The following SAMD8 variants were observed in gnomAD, a reference collection of about 807,000 sequenced individuals.
The protein encoded by SAMD8 is sterile alpha motif domain containing 8.
In SAMD8, 20 loss-of-function variants were observed where a neutral mutation model predicts 42.0. That is an observed-to-expected ratio of 0.48 (90% CI 0.34 to 0.69). The LOEUF (loss-of-function observed/expected upper bound fraction) is 0.69, where lower values mean the gene tolerates loss of function less well. Ranked by LOEUF, SAMD8 falls within the 30% of genes least tolerant of loss-of-function variation. SAMD8 has a pLI of 0.01. For missense variants in SAMD8, 328 were observed against 511.6 expected (o/e 0.64, Z 3.46); for synonymous variants, 162 against 173.0 (o/e 0.94, Z 0.50).
chr10:75,167,849 T>G (rs111764121), intron 3 of SAMD8, among the ~76,000 whole-genome samples: 503 of 152,294 alleles, frequency 3.3e-3, no homozygotes, highest in African/African-American at 0.012. Flanking sequence ...CACCTTGGCC[T>G]CCCAAAGGGC....
intron 1 of SAMD8, chr10:75,099,802 C>T (rs1030964094): frequency 5.4e-6 from 1 of 185,060 alleles, no homozygotes; most frequent in Admixed American, 6.2e-5. Context: ...ATTCTGTGGC[C>T]ACGAGCAAGT....
At chr10:75,103,232 T>C (rs899820085) in intron 1 of SAMD8, among the ~76,000 whole-genome samples, 4 of 152,206 alleles carry the variant, frequency 2.6e-5, no homozygotes, top group African/African-American at 4.8e-5. Flanking sequence ...ACTGGTGGCA[T>C]TGCCAACAGC....
intron 1 of SAMD8, among the ~76,000 whole-genome samples, chr10:75,120,733 T>A (rs1848985333): frequency 6.6e-6 from 1 of 151,948 alleles, no homozygotes; most frequent in Non-Finnish European, 1.5e-5. Context: ...TCTCAGTTTA[T>A]GTAGCTTAAT....
In SAMD8 at chr10:75,181,971, C is replaced by T. The variant is rs1841087453; in HGVS notation, c.*5279C>T. Reference sequence around the variant, plus strand: ...AGTATTACTTGAAGATGTGAAAGTTCCTGTGGTAGCCATACCTTGAAGCAC... The same window carrying T: ...AGTATTACTTGAAGATGTGAAAGTTTCTGTGGTAGCCATACCTTGAAGCAC... On this transcript the variant is annotated 3_prime_UTR_variant, in exon 6 of 6. Coordinates refer to ENST00000542569, the MANE Select transcript of SAMD8 (RefSeq NM_001174156.2). The T allele has an allele frequency of 6.6e-6, 1 of 152,076 alleles. No homozygotes were observed. Among genetic ancestry groups the T allele is most frequent in the African/African-American group, 2.4e-5 (1 of 41,406 alleles). 9.4% of individuals were successfully genotyped at this position (152,076 alleles called of 1,614,324 possible).
At chr10:75,155,457 CAAA>C (rs369963500) in intron 2 of SAMD8, among the ~76,000 whole-genome samples, 1 of 105,708 alleles carries the variant, frequency 9.5e-6, no homozygotes, top group African/African-American at 3.5e-5. Context: ...AGAAGCCAAG[CAAA>C]AAAAAAAAAA....
At chr10:75,138,647 T>G (rs944227190) in intron 1 of SAMD8, among the ~76,000 whole-genome samples, 4 of 152,212 alleles carry the variant, frequency 2.6e-5, no homozygotes, top group African/African-American at 9.6e-5. Context: ...TGAGTTCTTT[T>G]GCTCTTAGGC....
rs1815826475 is a variant in SAMD8 at position 75,180,676 on chromosome 10, C to G, written c.*3984C>G. ...CAAGAGACCTGCAGGGATTATAACT[C>G]TTTACTCTGTGAGCAGCGGTGTTTC... is the stretch of plus-strand genomic sequence containing the variant. On this transcript the variant is annotated 3_prime_UTR_variant, in exon 6 of 6. Transcript: ENST00000542569. 6.6e-6 allele frequency: 1 copy of G among 152,224 alleles called. No individual in the cohort carries two copies. The highest frequency in any genetic ancestry group is 1.5e-5 in the Non-Finnish European group (1 of 68,046). 9.4% of individuals were successfully genotyped at this position (152,224 alleles called of 1,614,324 possible). A position where few individuals can be genotyped will look rare whatever the true frequency, so the allele number is the denominator to read the frequency against.
chr10:75,147,478 A>C (rs1254079664), intron 1 of SAMD8, among the ~76,000 whole-genome samples: 2 of 152,122 alleles, frequency 1.3e-5, no homozygotes, highest in Non-Finnish European at 2.9e-5. Flanking sequence ...GGCGCCCGCC[A>C]CCATGCCTGG....
intron 1 of SAMD8, among the ~76,000 whole-genome samples, chr10:75,120,990 C>T (rs1294507638): frequency 6.6e-6 from 1 of 151,742 alleles, no homozygotes; most frequent in Non-Finnish European, 1.5e-5. Context: ...GTTGACCAGG[C>T]TTGTCTTGAA....
At chr10:75,123,270 C>T (rs910613583) in intron 1 of SAMD8, among the ~76,000 whole-genome samples, 2 of 151,020 alleles carry the variant, frequency 1.3e-5, no homozygotes, top group African/African-American at 2.4e-5. Flanking sequence ...TTGTTACCTC[C>T]GATATACCAC....
At chr10:75,110,516 G>T (rs1241777222), upstream of SAMD8, among the ~76,000 whole-genome samples, 3 of 152,110 alleles carry the variant, frequency 2.0e-5, no homozygotes, top group African/African-American at 7.2e-5. Flanking sequence ...GCATCCCATG[G>T]AAGCAGTCTA....
chr10:75,176,717 G>T lies in SAMD8; in HGVS notation c.*25G>T. The T allele has an allele frequency of 6.9e-7, 1 of 1,456,580 alleles. No homozygotes were observed. Among genetic ancestry groups the T allele is most frequent in the South Asian group, 1.4e-5 (1 of 72,070 alleles). 90.2% of individuals were successfully genotyped at this position (1,456,580 alleles called of 1,614,324 possible). A position where few individuals can be genotyped will look rare whatever the true frequency, so the allele number is the denominator to read the frequency against. On this transcript the variant is annotated 3_prime_UTR_variant, in exon 6 of 6. Coordinates refer to ENST00000542569, the MANE Select transcript of SAMD8 (RefSeq NM_001174156.2). This position sits in a 1 kb window ranked among gnomAD's most constrained non-coding sequence, Gnocchi z 4.3. Reference sequence around the variant, plus strand: ...AATACTATCTTTCTAATGAATTTGTGATTAAATATATAATAGTTGTTGAAA... The same window carrying T: ...AATACTATCTTTCTAATGAATTTGTTATTAAATATATAATAGTTGTTGAAA...
chr10:75,130,105 A>G (rs1166036183), intron 1 of SAMD8, among the ~76,000 whole-genome samples: 1 of 152,168 alleles, frequency 6.6e-6, no homozygotes, highest in African/African-American at 2.4e-5. Context: ...TTAGAAGATG[A>G]ATAACAACTG....
chr10:75,168,601 T>A lies in SAMD8; in HGVS notation c.735T>A (p.Phe245Leu). The A allele has an allele frequency of 6.2e-7, 1 of 1,614,060 alleles. No individual in the cohort carries two copies. Among genetic ancestry groups the A allele is most frequent in the Non-Finnish European group, 8.5e-7 (1 of 1,179,950 alleles). Reference sequence around the variant, plus strand: ...GAACTGTATTCTTGCTTCGCTGCTTTACCATGTTTGTGACCTCCCTCTCCG... The same window carrying A: ...GAACTGTATTCTTGCTTCGCTGCTTAACCATGTTTGTGACCTCCCTCTCCG... ...LMGTVFLLRC[F>L]TMFVTSLSVP... The change falls in exon 4 of 6, where the codon TTT becomes TTA. Residue 245 changes from phenylalanine to leucine, a missense_variant. Coordinates refer to ENST00000542569, the MANE Select transcript of SAMD8 (RefSeq NM_001174156.2).
At chr10:75,142,353 C>A (rs761521751) in intron 1 of SAMD8, among the ~76,000 whole-genome samples, 1 of 152,022 alleles carries the variant, frequency 6.6e-6, no homozygotes, top group Non-Finnish European at 1.5e-5. Context: ...TAGTGGATTT[C>A]CATTTCTCCC....
At chr10:75,133,390 G>A (rs1383615971) in intron 1 of SAMD8, among the ~76,000 whole-genome samples, 1 of 152,166 alleles carries the variant, frequency 6.6e-6, no homozygotes, top group Non-Finnish European at 1.5e-5. Flanking sequence ...ATTACACAGT[G>A]AGACCCTGTC....
At chr10:75,156,301 T>G (rs1387847835) in intron 2 of SAMD8, among the ~76,000 whole-genome samples, 1 of 152,060 alleles carries the variant, frequency 6.6e-6, no homozygotes, top group Non-Finnish European at 1.5e-5. Context: ...AAACAAAAAT[T>G]GTGGGGTGAG....
intron 1 of SAMD8, among the ~76,000 whole-genome samples, chr10:75,141,560 G>A (rs1181866709): frequency 1.5e-5 from 2 of 133,346 alleles, no homozygotes; most frequent in South Asian, 2.3e-4. Context: ...TTTTTTCCTC[G>A]AGATGGAGTC....
At chr10:75,140,835 T>G (rs1307969647) in intron 1 of SAMD8, among the ~76,000 whole-genome samples, 1 of 152,186 alleles carries the variant, frequency 6.6e-6, no homozygotes, top group Non-Finnish European at 1.5e-5. Context: ...GCAGATAAGT[T>G]TGGGGAAAAT....
Sources: gnomAD v4.1 joint callset for allele counts (sites outside exome capture counted in the v4.1 genomes callset) on GRCh38, gnomAD v4.1.1 for gene constraint, Gnocchi (gnomAD v3.1) non-coding constraint, MANE v1.5 for transcripts, NCBI Gene and HGNC (gene_info 2026-07-23, HGNC 2026-07-21) for gene names.